MED27: variants seen among roughly 807,000 people sequenced by gnomAD.
MED27 encodes mediator complex subunit 27.
Under a neutral mutation model 38.2 loss-of-function variants are expected in MED27, and 30 were observed. That is an observed-to-expected ratio of 0.79 (90% confidence interval 0.59 to 1.07). The LOEUF is 1.07. MED27 is among the 50% of genes least tolerant of loss of function. The pLI is 0.00. For missense variants in MED27, 289 were observed against 397.5 expected, an observed-to-expected ratio of 0.73 and a Z score of 2.32; for synonymous variants, 122 against 153.5, an observed-to-expected ratio of 0.79 and a Z score of 1.52.
At chr9:131,921,235 C>G (rs1172812592) in intron 4 of MED27, among the ~76,000 whole-genome samples, 1 of 152,172 alleles carries the variant, frequency 6.6e-6, no homozygotes, top group African/African-American at 2.4e-5. Flanking sequence ...CACTACCCTG[C>G]ACCTGCCGCA....
chr9:131,985,659 T>C (rs1187622547), intron 3 of MED27, among the ~76,000 whole-genome samples: 1 of 152,184 alleles, frequency 6.6e-6, no homozygotes, highest in East Asian at 1.9e-4. Context: ...TAAATGACTG[T>C]TACTGGTTTA....
chr9:131,995,632 G>A (rs1456145135), intron 3 of MED27, among the ~76,000 whole-genome samples: 1 of 152,076 alleles, frequency 6.6e-6, no homozygotes, highest in Non-Finnish European at 1.5e-5. Context: ...GACAATCTTT[G>A]AACCAACAGC....
At position 131,883,647 on chromosome 9, in the gene MED27, G is replaced by A. The variant is rs1477738781; in HGVS notation, c.723+411C>T. 6.6e-6 allele frequency among the ~76,000 whole-genome samples: 1 copy of A among 152,208 alleles called. No homozygotes were observed. Among genetic ancestry groups the A allele is most frequent in the Non-Finnish European group, 1.5e-5 (1 of 68,038 alleles). ...ACCGAGTTTTAAAACTAGGTTTTCA[G>A]AATACAGTTTTTGGAACATCTCAAA... On this transcript the variant is annotated intron_variant, in intron 6 of 7. Transcript: ENST00000292035. The surrounding 1 kb of genome is among the most constrained non-coding windows in gnomAD (Gnocchi z 4.2).
intron 6 of MED27, among the ~76,000 whole-genome samples, chr9:131,867,010 C>T (rs1441451340): frequency 1.5e-4 from 23 of 152,242 alleles, no homozygotes; most frequent in Admixed American, 1.4e-3. Flanking sequence ...CCAGGCTCCC[C>T]CGATGGGGCT....
chr9:131,867,346 C>A (rs976188499), intron 6 of MED27, among the ~76,000 whole-genome samples: 1 of 152,152 alleles, frequency 6.6e-6, no homozygotes, highest in Admixed American at 6.5e-5. Flanking sequence ...AAGTTACCAG[C>A]GGTCACTCAT....
chr9:131,964,370 A>ATGGAG (rs1564302572), intron 3 of MED27, among the ~76,000 whole-genome samples: 3 of 45,328 alleles, frequency 6.6e-5, no homozygotes, highest in African/African-American at 1.8e-4. Flanking sequence ...AGGTGATGGT[A>ATGGAG]GTAGTGATGG....
intron 4 of MED27, among the ~76,000 whole-genome samples, chr9:131,925,530 T>C (rs1385112794): frequency 6.6e-6 from 1 of 152,202 alleles, no homozygotes; most frequent in Non-Finnish European, 1.5e-5. Context: ...AATGGAATAT[T>C]TCCTATCAGT....
At chr9:132,011,876 C>G (rs1832493169) in intron 3 of MED27, among the ~76,000 whole-genome samples, 1 of 151,862 alleles carries the variant, frequency 6.6e-6, no homozygotes, top group Admixed American at 6.6e-5. Flanking sequence ...GACACAGTAA[C>G]CACTTTTCTC....
At chr9:131,920,513 G>A (rs1305811341) in intron 4 of MED27, among the ~76,000 whole-genome samples, 1 of 152,176 alleles carries the variant, frequency 6.6e-6, no homozygotes, top group African/African-American at 2.4e-5. Flanking sequence ...GAACAAAAGA[G>A]ACAAACATCT....
chr9:132,033,772 C>T (rs1396184616), intron 2 of MED27, among the ~76,000 whole-genome samples: 5 of 152,196 alleles, frequency 3.3e-5, no homozygotes, highest in African/African-American at 1.2e-4. Flanking sequence ...GATTCTATTT[C>T]GCATAAAGGT....
chr9:132,034,499 G>T (rs1043169542), intron 2 of MED27, among the ~76,000 whole-genome samples: 1 of 152,228 alleles, frequency 6.6e-6, no homozygotes, highest in East Asian at 1.9e-4. Context: ...GGCAACTTAA[G>T]AAATGTTCTG....
rs376460457 is a variant in MED27, at chr9:131,995,608, T to C, written c.479+18729A>G. ...CACAGGGCCTGAGTCAGCACCACCA[T>C]CCAAGGGCTTAGTGACAATCTTTGA... On this transcript the variant is annotated intron_variant, in intron 3 of 7. Coordinates refer to ENST00000292035, the MANE Select transcript of MED27 (RefSeq NM_004269.4). Among the ~76,000 whole-genome samples, 51 of 152,202 alleles carry C rather than the reference T, an allele frequency of 3.4e-4. No individual in the cohort carries two copies. The South Asian group carries it at 0.01, about 31-fold the overall frequency.
At chr9:131,868,971 A>G in intron 6 of MED27, 31 of 985,502 alleles carry the variant, frequency 3.1e-5, no homozygotes, top group Non-Finnish European at 3.6e-5. Context: ...TCTGGCTCAC[A>G]GGCAAGGCAC....
chr9:131,933,391 A>C (rs1305238430), intron 4 of MED27, among the ~76,000 whole-genome samples: 1 of 152,178 alleles, frequency 6.6e-6, no homozygotes, highest in African/African-American at 2.4e-5. Flanking sequence ...ATTAGAACTG[A>C]GAAACAAATT....
Position 132,051,863 on chromosome 9 carries a change from T to C in MED27, c.348+25579A>G, listed in dbSNP as rs117952433. 4.7e-4 allele frequency among the ~76,000 whole-genome samples: 72 copies of C among 152,276 alleles called. No individual in the cohort carries two copies. The East Asian group carries it at 0.013, about 28-fold the overall frequency. ...CACATTAAAACCAGAAGAATCCCGA[T>C]GGACGAGACTGAGGTGCCAAAACAG... On this transcript the variant is annotated intron_variant, in intron 2 of 7. Coordinates refer to ENST00000292035, the MANE Select transcript of MED27 (RefSeq NM_004269.4). This position sits in a 1 kb window ranked among gnomAD's most constrained non-coding sequence, Gnocchi z 4.2.
chr9:131,971,503 G>A (rs116491265), intron 3 of MED27, among the ~76,000 whole-genome samples: 2,174 of 152,292 alleles, frequency 0.014, 55 homozygotes, highest in African/African-American at 0.049. Flanking sequence ...TTAACAATTA[G>A]GGGCAAAATT....
chr9:131,925,129 T>C (rs1830459580), intron 4 of MED27, among the ~76,000 whole-genome samples: 1 of 152,180 alleles, frequency 6.6e-6, no homozygotes, highest in Non-Finnish European at 1.5e-5. Flanking sequence ...AGAACCACTG[T>C]CCTAAACCAA....
chr9:131,948,511 A>C (rs915728503), intron 3 of MED27, among the ~76,000 whole-genome samples: 8 of 152,014 alleles, frequency 5.3e-5, no homozygotes, highest in African/African-American at 1.9e-4. Flanking sequence ...ACAAAAAAAA[A>C]AAACAAAAAA....
At chr9:132,079,600 C>A in intron 1 of MED27, 42 bp downstream of exon 1, 1 of 1,594,436 alleles carries the variant, frequency 6.3e-7, no homozygotes, top group South Asian at 1.1e-5. Context: ...AGGGTCGGAG[C>A]GGGGCCGGTC....
Sources: allele counts gnomAD v4.1 joint callset (sites outside exome capture counted in the v4.1 genomes callset), GRCh38; gene constraint gnomAD v4.1.1; non-coding constraint Gnocchi (gnomAD v3.1); transcripts MANE v1.5; gene names NCBI Gene and HGNC (gene_info 2026-07-23, HGNC 2026-07-21).